The following INPP4B variants were observed in gnomAD, a reference collection of about 807,000 sequenced individuals.
The protein encoded by INPP4B is inositol polyphosphate-4-phosphatase type II B.
Under a neutral mutation model 122.5 loss-of-function variants are expected in INPP4B, and 55 were observed. That is an observed-to-expected ratio of 0.45 (90% confidence interval 0.36 to 0.56). The LOEUF (loss-of-function observed/expected upper bound fraction) is 0.56, where lower values mean the gene tolerates loss of function less well. INPP4B is among the 20% of genes least tolerant of loss of function. The pLI is 0.00. For missense variants in INPP4B, 1,000 were observed against 1,097.7 expected (o/e 0.91, Z 1.26); for synonymous variants, 403 against 388.7 (o/e 1.04, Z -0.43).
At chr4:142,711,223 A>C (rs1020418777) in intron 2 of INPP4B, among the ~76,000 whole-genome samples, 3 of 152,158 alleles carry the variant, frequency 2.0e-5, no homozygotes, top group African/African-American at 4.8e-5. Flanking sequence ...GCTCAAATAG[A>C]ATCTTCTCAG....
At chr4:142,339,933 A>G (rs1778095749) in intron 7 of INPP4B, among the ~76,000 whole-genome samples, 1 of 152,176 alleles carries the variant, frequency 6.6e-6, no homozygotes, top group African/African-American at 2.4e-5. Flanking sequence ...AAACTGAAAA[A>G]AGGAACAAAT....
Position 142,124,743 on chromosome 4 carries a change from A to G in INPP4B, c.1738T>C (p.Leu580=). 1 of 1,586,434 alleles carries G rather than the reference A, an allele frequency of 6.3e-7. No homozygotes were observed. The highest frequency in any genetic ancestry group is 1.1e-5 in the South Asian group (1 of 88,196). The change falls in exon 19 of 26, where the codon TTG becomes CTG. Residue 580 remains leucine, a synonymous_variant. Transcript: ENST00000262992. ...SHPREDWYEQ[L]YPLILTLKDC... ...TTCAGGGTAAGGATGAGGGGATACA[A>G]CTGTTCATACCAGTCCTCTGGGGGA...
rs1194288267 is a variant in INPP4B, at chr4:142,027,496, T to C, written c.*1286A>G. 6.6e-6 allele frequency: 1 copy of C among 152,240 alleles called. No individual in the cohort carries two copies. Among genetic ancestry groups the C allele is most frequent in the African/African-American group, 2.4e-5 (1 of 41,474 alleles). 9.4% of individuals were successfully genotyped at this position (152,240 alleles called of 1,614,324 possible). On this transcript the variant is annotated 3_prime_UTR_variant, in exon 26 of 26. Coordinates refer to ENST00000262992, the MANE Select transcript of INPP4B (RefSeq NM_001101669.3). ...AAAGTTTCATTCGTTCAGACTTTTG[T>C]ACTCTTAGTTTCAATTCCAGTGATA... is the stretch of plus-strand genomic sequence containing the variant.
chr4:142,484,440 A>G (rs902022910), intron 2 of INPP4B, among the ~76,000 whole-genome samples: 6 of 152,092 alleles, frequency 3.9e-5, no homozygotes, highest in African/African-American at 1.4e-4. Flanking sequence ...CACAACCTCC[A>G]GAAACCATCC....
At chr4:142,295,189 T>C (rs1277807637) in intron 9 of INPP4B, among the ~76,000 whole-genome samples, 2 of 152,306 alleles carry the variant, frequency 1.3e-5, no homozygotes, top group East Asian at 3.9e-4. Context: ...CAAAAATATG[T>C]GTTCACTTAC....
At chr4:142,729,835 C>T (rs910960755) in intron 1 of INPP4B, among the ~76,000 whole-genome samples, 10 of 152,158 alleles carry the variant, frequency 6.6e-5, no homozygotes, top group Non-Finnish European at 1.3e-4. Context: ...ATTCGTGGCC[C>T]ACCTCTCTTC....
intron 18 of INPP4B, among the ~76,000 whole-genome samples, chr4:142,130,499 G>A (rs770036910): frequency 7.2e-5 from 11 of 152,232 alleles, no homozygotes; most frequent in Non-Finnish European, 1.3e-4. Flanking sequence ...ACGGCGCAGA[G>A]GATATGTGAA....
chr4:142,313,770 G>A (rs575889884), intron 8 of INPP4B, among the ~76,000 whole-genome samples: 58 of 152,348 alleles, frequency 3.8e-4, no homozygotes, highest in African/African-American at 1.3e-3. Context: ...AGAGATGAGA[G>A]GCTTGTGTTA....
intron 13 of INPP4B, 48 bp from the exon 14 acceptor site, chr4:142,208,577 AAT>A (rs1491176486): frequency 5.0e-6 from 5 of 992,738 alleles, no homozygotes; most frequent in Admixed American, 2.1e-5. Flanking sequence ...ATGATAAATT[AAT>A]ATGTGTGTTA....
At chr4:142,377,441 G>T (rs1792347187) in intron 7 of INPP4B, among the ~76,000 whole-genome samples, 1 of 152,042 alleles carries the variant, frequency 6.6e-6, no homozygotes. Flanking sequence ...ATATCAAACT[G>T]GATGACGACT....
At chr4:142,061,318 G>T (rs1560977122) in intron 25 of INPP4B, among the ~76,000 whole-genome samples, 1 of 152,164 alleles carries the variant, frequency 6.6e-6, no homozygotes, top group East Asian at 1.9e-4. Flanking sequence ...TTACTTGGCA[G>T]GGTCACTAGG....
At chr4:142,480,254 C>T (rs941334699) in intron 2 of INPP4B, among the ~76,000 whole-genome samples, 3 of 152,144 alleles carry the variant, frequency 2.0e-5, no homozygotes, top group Non-Finnish European at 4.4e-5. Context: ...TAATAGCTAA[C>T]CACAAAATCT....
chr4:142,619,444 G>A lies in INPP4B; in HGVS notation c.-191+106395C>T, dbSNP rs549512497. ...GCAATCCTGCCATAGGCAACAACAT[G>A]GATAAACCTTGAAGACATTATGCTA... On this transcript the variant is annotated intron_variant, in intron 2 of 25. Transcript: ENST00000262992. 1.1e-4 allele frequency among the ~76,000 whole-genome samples: 16 copies of A among 152,092 alleles called. No individual in the cohort carries two copies. The South Asian group carries it at 3.3e-3, about 32-fold the overall frequency.
intron 1 of INPP4B, among the ~76,000 whole-genome samples, chr4:142,773,542 T>A (rs559288890): frequency 9.2e-4 from 140 of 152,336 alleles, no homozygotes; most frequent in Non-Finnish European, 1.7e-3. Flanking sequence ...ATGTGAGATT[T>A]ACTATCTACA....
intron 2 of INPP4B, among the ~76,000 whole-genome samples, chr4:142,563,004 A>G (rs1299593749): frequency 2.0e-5 from 3 of 152,346 alleles, no homozygotes; most frequent in Admixed American, 2.0e-4. Flanking sequence ...TCACCCTACC[A>G]GTAAAGAGGC....
At chr4:142,603,832 T>C (rs1156402102) in intron 2 of INPP4B, among the ~76,000 whole-genome samples, 2 of 151,662 alleles carry the variant, frequency 1.3e-5, no homozygotes, top group Non-Finnish European at 2.9e-5. Flanking sequence ...TCCAAAAAAA[T>C]TGAAAGAGAG....
intron 1 of INPP4B, among the ~76,000 whole-genome samples, chr4:142,801,102 G>A (rs933896241): frequency 6.6e-6 from 1 of 152,008 alleles, no homozygotes; most frequent in African/African-American, 2.4e-5. Flanking sequence ...AAAAAAAAAT[G>A]GAGTATGAAG....
At chr4:142,721,829 A>G (rs1764732098) in intron 2 of INPP4B, among the ~76,000 whole-genome samples, 1 of 152,178 alleles carries the variant, frequency 6.6e-6, no homozygotes, top group Non-Finnish European at 1.5e-5. Context: ...TTAAAAAAAA[A>G]GATGTCATAA....
chr4:142,813,140 C>A (rs1433984377), intron 1 of INPP4B, among the ~76,000 whole-genome samples: 2 of 152,096 alleles, frequency 1.3e-5, no homozygotes, highest in Non-Finnish European at 2.9e-5. Flanking sequence ...CTAAACCCAG[C>A]AAAGAGACTC....
Sources: allele counts gnomAD v4.1 joint callset (sites outside exome capture counted in the v4.1 genomes callset), GRCh38; gene constraint gnomAD v4.1.1; transcripts MANE v1.5; gene names NCBI Gene and HGNC (gene_info 2026-07-23, HGNC 2026-07-21).